METTL3: variants seen among roughly 807,000 people sequenced by gnomAD.
The protein encoded by METTL3 is N(6)-adenosine-methyltransferase catalytic subunit METTL3.
Under a neutral mutation model 64.3 loss-of-function variants are expected in METTL3, and 42 were observed. The ratio of observed to expected loss-of-function variants is 0.65; its 90% CI spans 0.51 to 0.84. The LOEUF (loss-of-function observed/expected upper bound fraction) is 0.84, where lower values mean the gene tolerates loss of function less well. Among genes scored for constraint, METTL3 ranks in the 40% least tolerant of loss-of-function variants. The pLI is 0.00. For missense variants in METTL3, 435 were observed against 722.3 expected (o/e 0.60, Z 4.56); for synonymous variants, 256 against 263.6 (o/e 0.97, Z 0.28).
rs751924267 is a variant in METTL3, at chr14:21,511,134, C to G, written c.90G>C (p.Ser30=). 37 of 1,613,902 alleles carry G rather than the reference C, an allele frequency of 2.3e-5. No individual in the cohort carries two copies. Among genetic ancestry groups the G allele is most frequent in the Non-Finnish European group, 2.7e-5 (32 of 1,179,954 alleles). Residue 30 remains serine (S), a synonymous_variant, in exon 1 of 11, where the codon TCG becomes TCC. Transcript: ENST00000298717. ...ERLQRRRKQD[S]GHLDLRNPEA... ...AGCCCAGTGCCTCACCCAAGTGCCCCGAGTCCTGCTTCCGCCTCCGCTGCA... is the reference window on the plus strand; with the variant it reads ...AGCCCAGTGCCTCACCCAAGTGCCCGGAGTCCTGCTTCCGCCTCCGCTGCA...
intron 1 of METTL3, chr14:21,504,102 A>G (rs1304088281): frequency 5.6e-6 from 3 of 538,048 alleles, no homozygotes; most frequent in African/African-American, 1.9e-5. Context: ...TTCTCTATTG[A>G]GTGAGTAATC....
At chr14:21,508,355 A>G (rs1188889091) in intron 1 of METTL3, 1 of 152,110 alleles carries the variant, frequency 6.6e-6, no homozygotes, top group Non-Finnish European at 1.5e-5. Flanking sequence ...GAAAAAATAA[A>G]TAAAAATAAA....
Position 21,499,080 on chromosome 14 carries a change from G to GAGAT in METTL3, c.1572_1575dup (p.Pro526IlefsTer8). 1.2e-6 allele frequency: 2 copies of GAGAT among 1,614,170 alleles called. No individual in the cohort carries two copies. Among genetic ancestry groups the GAGAT allele is most frequent in the Non-Finnish European group, 8.5e-7 (1 of 1,180,026 alleles). On this transcript the variant is annotated frameshift_variant, in exon 10 of 11. Transcript: ENST00000298717. LOFTEE classifies it high-confidence loss of function. ...AATAACTCAATCTTGCGAGTGCCAG[G>GAGAT]AGATAGTCTTTCAATCATGCCATAG...
rs1400491301 is a variant in METTL3, at chr14:21,502,087, C to T, written c.724-184G>A. ...CCAGAGTGTAGTTGTGTAATCATAA[C>T]TCACTGTTTCTCCCACTGAACTCCC... On this transcript the variant is annotated intron_variant, in intron 3 of 10. Coordinates refer to ENST00000298717, the MANE Select transcript of METTL3 (RefSeq NM_019852.5). 2.1e-5 allele frequency among the ~76,000 whole-genome samples: 3 copies of T among 145,126 alleles called. No homozygotes were observed. The Admixed American group carries it at 2.2e-4, about 10-fold the overall frequency.
At chr14:21,502,361 T>A (rs1183973875) in intron 3 of METTL3, 1 of 156,376 alleles carries the variant, frequency 6.4e-6, no homozygotes, top group Non-Finnish European at 1.4e-5. Context: ...ATTGGAGCCT[T>A]CAGATAAGAG....
chr14:21,501,465 TC>T (rs1169647989), intron 4 of METTL3: 5 of 565,308 alleles, frequency 8.8e-6, no homozygotes, highest in Non-Finnish European at 9.4e-6. Flanking sequence ...ACTTTAACTT[TC>T]ACTGTGGCTC....
At chr14:21,506,489 G>C (rs1891700340) in intron 1 of METTL3, among the ~76,000 whole-genome samples, 1 of 152,188 alleles carries the variant, frequency 6.6e-6, no homozygotes, top group Non-Finnish European at 1.5e-5. Flanking sequence ...AGGAGGTGGA[G>C]CTTGCAGTGA....
chr14:21,501,519 T>TAAA, intron 4 of METTL3: 4 of 545,888 alleles, frequency 7.3e-6, no homozygotes, highest in Admixed American at 3.3e-5. Flanking sequence ...AGGGAGCTTT[T>TAAA]AAAAAAAAAA....
At position 21,511,318 on chromosome 14, in the gene METTL3, ACC is replaced by A; in HGVS notation, c.-97_-96del. 2 of 1,493,612 alleles carry A rather than the reference ACC, an allele frequency of 1.3e-6. No homozygotes were observed. Among genetic ancestry groups the A allele is most frequent in the South Asian group, 2.6e-5 (2 of 76,616 alleles). 92.5% of individuals were successfully genotyped at this position (1,493,612 alleles called of 1,614,324 possible). On this transcript the variant is annotated 5_prime_UTR_variant, in exon 1 of 11. Coordinates refer to ENST00000298717, the MANE Select transcript of METTL3 (RefSeq NM_019852.5). ...GGATATAGCCAATTCTCACGCGGACACCCCGAAGGCTAACCGGAAAATGACCC... is the reference window on the plus strand; with the variant it reads ...GGATATAGCCAATTCTCACGCGGACACCGAAGGCTAACCGGAAAATGACCC...
At position 21,503,863 on chromosome 14, in the gene METTL3, G is replaced by C. The variant is rs866586266; in HGVS notation, c.119C>G (p.Ala40Gly). The change falls in exon 2 of 11, where the codon GCA (alanine) becomes GGA (glycine). Residue 40 changes from alanine to glycine, a missense_variant. Coordinates refer to ENST00000298717, the MANE Select transcript of METTL3 (RefSeq NM_019852.5). ...SGHLDLRNPE[A>G]ALSPTFRSDS... ...ACTACGGAAGGTTGGAGACAATGCT[G>C]CCTCTGGATTCCGTAGATCTAAGAA... 1 of 1,614,130 alleles carries C rather than the reference G, an allele frequency of 6.2e-7. No individual in the cohort carries two copies.
rs562174447 is a variant in METTL3 at position 21,500,478 on chromosome 14, T to A, written c.1304+17A>T. On this transcript the variant is annotated intron_variant, in intron 6 of 10. Coordinates refer to ENST00000298717, the MANE Select transcript of METTL3 (RefSeq NM_019852.5). ...TGTACTGTATCTGTCCATACCTACG[T>A]AACTGAATTGCATTACCTGCCTGTG... 1,298 of 1,613,500 alleles carry A rather than the reference T, an allele frequency of 8.0e-4. 17 individuals carry two copies. In the South Asian group the frequency reaches 0.011, roughly 14 times the overall value.
Position 21,501,026 on chromosome 14 carries a change from C to T in METTL3, c.1003G>A (p.Ala335Thr). Residue 335 changes from alanine (A) to threonine (T), a missense_variant, in exon 5 of 11, where the codon GCT becomes ACT. Physicochemically the swap from Ala to Thr is moderately conservative, Grantham distance 58. Around this residue, in one of 9 missense-constraint regions of METTL3, gnomAD observed 67 missense variants for 71.5 expected, o/e 0.94. Transcript: ENST00000298717. ...CCAGGGGCCTCAGAATCCATGCAAG[C>T]ATCAATTTCATAGTGAACATACTTG... The part of the protein sequence containing the change: ...TCKYVHYEID[A>T]CMDSEAPGSK... 6.2e-7 allele frequency: 1 copy of T among 1,614,084 alleles called. No individual in the cohort carries two copies. The highest frequency in any genetic ancestry group is 1.1e-5 in the South Asian group (1 of 91,084).
In METTL3 at chr14:21,509,168, C is replaced by G. The variant is rs560596973; in HGVS notation, c.100+1956G>C. Among the ~76,000 whole-genome samples, 28 of 151,758 alleles carry G rather than the reference C, an allele frequency of 1.8e-4. 1 individual carries two copies. Among genetic ancestry groups the G allele is most frequent in the Admixed American group, 1.6e-3 (24 of 15,236 alleles). On this transcript the variant is annotated intron_variant, in intron 1 of 10. Transcript: ENST00000298717. ...CAGCCTGGGCAACATGGTGAAACCC[C>G]TTCTCCACCAAAAATACAAAAAATA...
At position 21,503,773 on chromosome 14, in the gene METTL3, G is replaced by C. The variant is rs753427280; in HGVS notation, c.209C>G (p.Pro70Arg). The C allele has an allele frequency of 2.5e-6, 4 of 1,614,260 alleles. No individual in the cohort carries two copies. Among genetic ancestry groups the C allele is most frequent in the Non-Finnish European group, 3.4e-6 (4 of 1,180,048 alleles). The change falls in exon 2 of 11, where the codon CCT (proline) becomes CGT (arginine). Residue 70 changes from proline (P) to arginine (R), a missense_variant. Physicochemically the swap from Pro to Arg is moderately radical, Grantham distance 103. Transcript: ENST00000298717. ...GPKPSTASAV[P>R]ELATDPELEK... ...TAACTCAGGATCTGTAGCTAATTCA[G>C]GAACTGCTGAAGCTGTGCTGGGCTT...
chr14:21,506,768 TC>T (rs1484121611), intron 1 of METTL3, among the ~76,000 whole-genome samples: 2 of 152,176 alleles, frequency 1.3e-5, no homozygotes, highest in East Asian at 1.9e-4. Context: ...ATGCCTGTAA[TC>T]CCAGCACTTT....
Position 21,500,693 on chromosome 14 carries a change from T to C in METTL3, c.1117-11A>G. The C allele has an allele frequency of 6.2e-7, 1 of 1,603,062 alleles. No individual in the cohort carries two copies. Among genetic ancestry groups the C allele is most frequent in the African/African-American group, 1.3e-5 (1 of 74,734 alleles). On this transcript the variant is annotated splice_polypyrimidine_tract_variant and intron_variant, in intron 5 of 10. Coordinates refer to ENST00000298717, the MANE Select transcript of METTL3 (RefSeq NM_019852.5). ...ATCACAACAGATCCACTGCATAAAG[T>C]GGTATTTGGTCATCTTCCCTACTTT...
At chr14:21,502,014 T>C (rs897984700) in intron 3 of METTL3, 111 bp from the exon 4 acceptor site, 2 of 166,538 alleles carry the variant, frequency 1.2e-5, no homozygotes, top group Admixed American at 2.0e-4. Flanking sequence ...TAAATCAACT[T>C]TTTTTTTTTT....
At chr14:21,508,835 G>T (rs998768444) in intron 1 of METTL3, among the ~76,000 whole-genome samples, 1 of 152,096 alleles carries the variant, frequency 6.6e-6, no homozygotes, top group Non-Finnish European at 1.5e-5. Flanking sequence ...CGGAGGTTGC[G>T]GTGAGCCAAG....
chr14:21,503,829 T>C lies in METTL3; in HGVS notation c.153A>G (p.Pro51=), dbSNP rs1252315663. The C allele has an allele frequency of 6.2e-7, 1 of 1,614,242 alleles. No homozygotes were observed. The highest frequency in any genetic ancestry group is 1.1e-5 in the South Asian group (1 of 91,086). ...ALSPTFRSDS[P]VPTAPTSGGP... is the part of the protein sequence containing the mutation. ...CACCAGAGGTGGGTGCAGTAGGCACTGGGCTGTCACTACGGAAGGTTGGAG... is the reference window on the plus strand; with the variant it reads ...CACCAGAGGTGGGTGCAGTAGGCACCGGGCTGTCACTACGGAAGGTTGGAG... Residue 51 remains proline (P), a synonymous_variant, in exon 2 of 11, where the codon CCA becomes CCG. Coordinates refer to ENST00000298717, the MANE Select transcript of METTL3 (RefSeq NM_019852.5).
Sources: gnomAD v4.1 joint callset for allele counts (sites outside exome capture counted in the v4.1 genomes callset) on GRCh38, gnomAD v4.1.1 for gene constraint, gnomAD v4.1.1 regional missense constraint, MANE v1.5 for transcripts, NCBI Gene and HGNC (gene_info 2026-07-23, HGNC 2026-07-21) for gene names.